TAS2R1: variants seen among roughly 807,000 people sequenced by gnomAD.
TAS2R1 encodes the protein taste receptor type 2 member 1.
For missense variants in TAS2R1, 370 were observed against 353.4 expected (o/e 1.05, Z -0.38); for synonymous variants, 141 against 134.2 (o/e 1.05, Z -0.35).
chr5:9,897,965 A>C, the TAS2R1 span, among the ~76,000 whole-genome samples: 2 of 152,352 alleles, frequency 1.3e-5, no homozygotes, highest in African/African-American at 4.8e-5. Flanking sequence ...TTTTAACTTT[A>C]ATTAATCCTC....
chr5:9,636,225 T>C (rs1329975173), intron 2 of TAS2R1, among the ~76,000 whole-genome samples: 1 of 152,122 alleles, frequency 6.6e-6, no homozygotes. Context: ...GATTATTTAT[T>C]TCCATGTATT....
chr5:9,850,355 T>A, the TAS2R1 span, among the ~76,000 whole-genome samples: 1 of 152,248 alleles, frequency 6.6e-6, no homozygotes, highest in African/African-American at 2.4e-5. Context: ...TGACTTTCAA[T>A]TTATGGCAAG....
chr5:9,822,633 G>A, the TAS2R1 span, among the ~76,000 whole-genome samples: 1 of 152,068 alleles, frequency 6.6e-6, no homozygotes, highest in Non-Finnish European at 1.5e-5. Context: ...ACAGGTGTGA[G>A]CCACCGTGCC....
intron 1 of TAS2R1, among the ~76,000 whole-genome samples, chr5:9,667,026 A>T (rs1196493973): frequency 1.3e-5 from 2 of 152,212 alleles, no homozygotes; most frequent in Non-Finnish European, 2.9e-5. Flanking sequence ...TATAACAGGC[A>T]TGTTCCAAAA....
At chr5:9,680,403 C>T (rs573322352) in intron 1 of TAS2R1, among the ~76,000 whole-genome samples, 33 of 152,104 alleles carry the variant, frequency 2.2e-4, no homozygotes, top group African/African-American at 7.7e-4. Context: ...AACTATCTTC[C>T]AAAAACTGCA....
chr5:9,806,212 T>C, the TAS2R1 span, among the ~76,000 whole-genome samples: 1 of 152,102 alleles, frequency 6.6e-6, no homozygotes, highest in African/African-American at 2.4e-5. Context: ...AAAAGACCTC[T>C]ACAAGGAAAA....
chr5:9,690,718 G>A (rs1741224631), intron 1 of TAS2R1, among the ~76,000 whole-genome samples: 1 of 151,846 alleles, frequency 6.6e-6, no homozygotes, highest in Admixed American at 6.6e-5. Context: ...ACATAAACAA[G>A]CAGAAGATGC....
the TAS2R1 span, among the ~76,000 whole-genome samples, chr5:9,833,224 C>T: frequency 3.1e-4 from 47 of 152,194 alleles, no homozygotes; most frequent in African/African-American, 7.9e-4. Context: ...GTCCTTTGTC[C>T]GTAAGGAATT....
chr5:9,714,412 T>A (rs1408646902), upstream of TAS2R1, among the ~76,000 whole-genome samples: 1 of 152,212 alleles, frequency 6.6e-6, no homozygotes, highest in Non-Finnish European at 1.5e-5. Flanking sequence ...TATCTAACCA[T>A]CTGAGGCTGT....
intron 1 of TAS2R1, among the ~76,000 whole-genome samples, chr5:9,665,346 G>A (rs1252010292): frequency 2.6e-5 from 4 of 152,200 alleles, no homozygotes; most frequent in Admixed American, 6.5e-5. Context: ...CAACTGATTA[G>A]TAGCCCTAAT....
the TAS2R1 span, among the ~76,000 whole-genome samples, chr5:9,866,545 C>G: frequency 5.3e-5 from 8 of 152,076 alleles, no homozygotes; most frequent in African/African-American, 1.4e-4. Context: ...ACTTTTTTTC[C>G]GTCTGGGACT....
chr5:9,714,643 C>CA (rs1408395785), upstream of TAS2R1, among the ~76,000 whole-genome samples: 3 of 152,158 alleles, frequency 2.0e-5, no homozygotes, highest in South Asian at 2.1e-4. Context: ...TAAGAGATGA[C>CA]AAAAAACAAA....
the TAS2R1 span, among the ~76,000 whole-genome samples, chr5:9,900,028 G>A: frequency 4.6e-5 from 7 of 152,124 alleles, no homozygotes; most frequent in East Asian, 1.3e-3. Flanking sequence ...AAGTGCATTC[G>A]CTTGGTCATA....
chr5:9,852,891 T>C, the TAS2R1 span, among the ~76,000 whole-genome samples: 1 of 152,286 alleles, frequency 6.6e-6, no homozygotes, highest in South Asian at 2.1e-4. Flanking sequence ...ATTGGCATCA[T>C]TCCCAGTCAA....
the TAS2R1 span, among the ~76,000 whole-genome samples, chr5:9,872,857 T>C: frequency 2.0e-5 from 3 of 152,368 alleles, 1 homozygote; most frequent in African/African-American, 7.2e-5. Flanking sequence ...GTGCATGTAA[T>C]CCTAAAATTC....
rs1579762351 is a variant in TAS2R1 at position 9,637,438 on chromosome 5, GT to G, written c.-80-7447del. On this transcript the variant is annotated intron_variant, in intron 2 of 2. Coordinates refer to the TAS2R1 transcript ENST00000506620. ...GATCTTTTTGTGATTAATTTCCCAG[GT>G]TTTCTTTGAGCTTCCTGTATTTGCA... is the stretch of plus-strand genomic sequence containing the variant. 2.6e-5 allele frequency among the ~76,000 whole-genome samples: 4 copies of G among 152,082 alleles called. No homozygotes were observed. In the South Asian group the frequency reaches 6.2e-4, roughly 24 times the overall value.
At chr5:9,669,869 A>G (rs529764776) in intron 1 of TAS2R1, among the ~76,000 whole-genome samples, 47 of 152,204 alleles carry the variant, frequency 3.1e-4, no homozygotes, top group African/African-American at 1.0e-3. Flanking sequence ...ACAAGACTGA[A>G]CCACCCCCAA....
chr5:9,856,833 C>G, the TAS2R1 span, among the ~76,000 whole-genome samples: 1 of 152,092 alleles, frequency 6.6e-6, no homozygotes, highest in Admixed American at 6.5e-5. Context: ...ATCTGCACTC[C>G]CATGTTTATT....
intron 1 of TAS2R1, among the ~76,000 whole-genome samples, chr5:9,674,280 A>AAT (rs1355756365): frequency 6.6e-6 from 1 of 152,194 alleles, no homozygotes; most frequent in East Asian, 1.9e-4. Context: ...TATATTATGA[A>AAT]ATATTTCAAA....
Sources: gnomAD v4.1 joint callset for allele counts (sites outside exome capture counted in the v4.1 genomes callset) on GRCh38, gnomAD v4.1.1 for gene constraint, MANE v1.5 for transcripts, NCBI Gene and HGNC (gene_info 2026-07-23, HGNC 2026-07-21) for gene names.